FBLN2: variants seen among roughly 807,000 people sequenced by gnomAD.
The protein encoded by FBLN2 is fibulin-2.
In FBLN2, 81 loss-of-function variants were observed where a neutral mutation model predicts 123.7. The observed-to-expected ratio is 0.65, with a 90% CI of 0.55 to 0.79. The LOEUF (loss-of-function observed/expected upper bound fraction) is 0.79, where lower values mean the gene tolerates loss of function less well. Among genes scored for constraint, FBLN2 ranks in the 30% least tolerant of loss-of-function variants. FBLN2 has a pLI of 0.00. For synonymous variants in FBLN2, 699 were observed against 701.4 expected (o/e 1.00, Z 0.05); for missense variants, 1,603 against 1,681.3 (o/e 0.95, Z 0.81).
chr3:13,624,054 G>A (rs1705942163), intron 9 of FBLN2, among the ~76,000 whole-genome samples: 2 of 152,194 alleles, frequency 1.3e-5, no homozygotes, highest in Non-Finnish European at 2.9e-5. Flanking sequence ...AGGGAAAAGT[G>A]TTGCAGGTGG....
chr3:13,636,623 A>T (rs1706482448), intron 17 of FBLN2, 55 bp downstream of exon 17: 1 of 1,571,698 alleles, frequency 6.4e-7, no homozygotes, highest in African/African-American at 1.4e-5. Flanking sequence ...GTCCTGTACT[A>T]TCCAGGGAGA....
rs371734440 is a variant in FBLN2 at position 13,635,050 on chromosome 3, C to T, written c.3215-1395C>T. ...ATCAGGCATGCCTGACTTGCTGCCC[C>T]GCTCGCTGCTGTGTGATCTTGAGCA... On this transcript the variant is annotated intron_variant, in intron 16 of 17. Coordinates refer to ENST00000404922, the MANE Select transcript of FBLN2 (RefSeq NM_001004019.2). 5.3e-5 allele frequency among the ~76,000 whole-genome samples: 8 copies of T among 152,188 alleles called. No individual in the cohort carries two copies. In the South Asian group the frequency reaches 6.2e-4, roughly 12 times the overall value.
intron 2 of FBLN2, among the ~76,000 whole-genome samples, chr3:13,600,547 G>A (rs1031120819): frequency 6.6e-6 from 1 of 151,992 alleles, no homozygotes; most frequent in Non-Finnish European, 1.5e-5. Context: ...ACATGGGGAC[G>A]CTCAGGCCTG....
chr3:13,582,157 G>A (rs143701071), intron 2 of FBLN2, among the ~76,000 whole-genome samples: 2 of 152,150 alleles, frequency 1.3e-5, no homozygotes, highest in African/African-American at 2.4e-5. Context: ...CTGGCGTCCC[G>A]GATGCTGTGG....
At chr3:13,575,081 G>C (rs1036376713) in intron 2 of FBLN2, among the ~76,000 whole-genome samples, 2 of 152,154 alleles carry the variant, frequency 1.3e-5, no homozygotes, top group Non-Finnish European at 2.9e-5. Context: ...GAGGACAGAC[G>C]GTGACTAATC....
chr3:13,604,957 C>A (rs560125148), intron 2 of FBLN2, among the ~76,000 whole-genome samples: 1 of 152,238 alleles, frequency 6.6e-6, no homozygotes. Context: ...TGTGCCCTTA[C>A]GTGAACTGCT....
rs188706245 is a variant in FBLN2 at position 13,614,302 on chromosome 3, G to T, written c.1729+138G>T. ...CTCTAAACAGAGTTCTGAGGATGGT[G>T]ATTTCATTGTTTTCTGTGGACTACC... is the stretch of plus-strand genomic sequence containing the variant. On this transcript the variant is annotated intron_variant, in intron 5 of 17. Transcript: ENST00000404922. 1.5e-3 allele frequency: 1,297 copies of T among 866,886 alleles called. 3 individuals are homozygous for T. The highest frequency in any genetic ancestry group is 2.3e-3 in the South Asian group (118 of 52,028). The allele number at this position is 866,886 out of a possible 1,614,324, so 53.7% of individuals were successfully genotyped here.
chr3:13,609,571 G>T lies in FBLN2; in HGVS notation c.1477G>T (p.Val493Phe), dbSNP rs190190179. 6.4e-7 allele frequency: 1 copy of T among 1,558,952 alleles called. No homozygotes were observed. The highest frequency in any genetic ancestry group is 8.7e-7 in the Non-Finnish European group (1 of 1,151,382). ...YLQEKSCMAGVLGAKEGETCG... is the reference protein window; with the variant it reads ...YLQEKSCMAGFLGAKEGETCG... The stretch of plus-strand genomic sequence containing the variant: ...GCAGGAGAAGAGCTGCATGGCCGGC[G>T]TCCTGGGAGCCAAGGAGGGTGAGAC... The change falls in exon 4 of 18, where the codon GTC becomes TTC. Residue 493 changes from valine to phenylalanine, a missense_variant. Val to Phe is a conservative substitution (Grantham distance 50). Coordinates refer to ENST00000404922, the MANE Select transcript of FBLN2 (RefSeq NM_001004019.2).
At chr3:13,549,387 G>T (rs909937743) in intron 1 of FBLN2, among the ~76,000 whole-genome samples, 179 bp downstream of exon 1, 1 of 151,552 alleles carries the variant, frequency 6.6e-6, no homozygotes, top group Non-Finnish European at 1.5e-5. Flanking sequence ...CCCGGTCCCA[G>T]CGCGGGGACG....
At chr3:13,621,633 C>A in intron 8 of FBLN2, 142 bp from the exon 9 acceptor site, 1 of 815,692 alleles carries the variant, frequency 1.2e-6, no homozygotes, top group Non-Finnish European at 1.9e-6. Context: ...GGGCCCAAGG[C>A]CCAGCTACAC....
chr3:13,567,426 C>T (rs942651551), intron 1 of FBLN2, among the ~76,000 whole-genome samples: 2 of 152,188 alleles, frequency 1.3e-5, no homozygotes, highest in Non-Finnish European at 2.9e-5. Context: ...GGCACGATCT[C>T]GGCTCACTCC....
intron 5 of FBLN2, among the ~76,000 whole-genome samples, chr3:13,616,591 A>G (rs1031192172): frequency 6.6e-6 from 1 of 152,038 alleles, no homozygotes; most frequent in Admixed American, 6.6e-5. Context: ...TCCATATGAA[A>G]CACGTTCCTC....
At chr3:13,555,526 C>G (rs889743317) in intron 1 of FBLN2, among the ~76,000 whole-genome samples, 14 of 152,012 alleles carry the variant, frequency 9.2e-5, no homozygotes, top group African/African-American at 3.4e-4. Context: ...GCCATCTCGG[C>G]TCACTGCAAG....
At chr3:13,579,553 A>G (rs533313966) in intron 2 of FBLN2, among the ~76,000 whole-genome samples, 2 of 152,256 alleles carry the variant, frequency 1.3e-5, no homozygotes, top group Non-Finnish European at 2.9e-5. Flanking sequence ...TAGGACGCAC[A>G]GCGTTCTGTT....
intron 16 of FBLN2, among the ~76,000 whole-genome samples, chr3:13,636,227 T>C (rs112006738): frequency 0.1 from 15,795 of 152,210 alleles, 1,312 homozygotes; most frequent in African/African-American, 0.23. Context: ...GCGAGAAGCC[T>C]TGGGAGGGCA....
At chr3:13,564,428 G>A (rs946449489) in intron 1 of FBLN2, among the ~76,000 whole-genome samples, 9 of 152,150 alleles carry the variant, frequency 5.9e-5, no homozygotes, top group African/African-American at 1.2e-4. Flanking sequence ...CCATACTGGC[G>A]CCAACCTGAG....
chr3:13,597,841 A>G (rs1011541590), intron 2 of FBLN2, among the ~76,000 whole-genome samples: 1 of 152,214 alleles, frequency 6.6e-6, no homozygotes, highest in Non-Finnish European at 1.5e-5. Context: ...GATGCTGTGA[A>G]GTCAACCGTG....
intron 8 of FBLN2, among the ~76,000 whole-genome samples, chr3:13,621,504 G>A (rs574361638): frequency 6.6e-6 from 1 of 152,146 alleles, no homozygotes; most frequent in Non-Finnish European, 1.5e-5. Context: ...AGTGCGTACG[G>A]GAGGCAGCCT....
Position 13,638,237 on chromosome 3 carries a change from T to G in FBLN2, c.*318T>G, listed in dbSNP as rs1046657496. The G allele has an allele frequency of 1.0e-5, 6 of 574,082 alleles. No individual in the cohort carries two copies. The highest frequency in any genetic ancestry group is 1.6e-5 in the Non-Finnish European group (5 of 314,420). 35.6% of individuals were successfully genotyped at this position (574,082 alleles called of 1,614,324 possible). On this transcript the variant is annotated 3_prime_UTR_variant, in exon 18 of 18. Transcript: ENST00000404922. Reference sequence around the variant, plus strand: ...GTTGGGGCTCTTGGACTCCTCTGGATGACCCGTCCCCAAAGTTGACATTCC... The same window carrying G: ...GTTGGGGCTCTTGGACTCCTCTGGAGGACCCGTCCCCAAAGTTGACATTCC...
Sources: allele counts gnomAD v4.1 joint callset (sites outside exome capture counted in the v4.1 genomes callset), GRCh38; gene constraint gnomAD v4.1.1; transcripts MANE v1.5; gene names NCBI Gene and HGNC (gene_info 2026-07-23, HGNC 2026-07-21).